Variants in PDE7A observed in about 807,000 individuals in gnomAD.
PDE7A encodes the protein phosphodiesterase 7A.
Under a neutral mutation model 64.3 loss-of-function variants are expected in PDE7A, and 39 were observed. The observed-to-expected ratio is 0.61, with a 90% CI of 0.47 to 0.79. The LOEUF (loss-of-function observed/expected upper bound fraction) is 0.79, where lower values mean the gene tolerates loss of function less well. Among genes scored for constraint, PDE7A ranks in the 30% least tolerant of loss-of-function variants. The pLI is 0.00. For missense variants in PDE7A, 470 were observed against 582.8 expected (o/e 0.81, Z 1.99); for synonymous variants, 203 against 206.8 (o/e 0.98, Z 0.16).
At chr8:65,767,564 G>T (rs1051332244) in intron 3 of PDE7A, among the ~76,000 whole-genome samples, 1 of 152,072 alleles carries the variant, frequency 6.6e-6, no homozygotes, top group Non-Finnish European at 1.5e-5. Context: ...TGGCCTTTCT[G>T]ACTGTGAGTC....
In PDE7A at chr8:65,748,792, C is replaced by T. The variant is rs77031786; in HGVS notation, c.284-989G>A. Among the ~76,000 whole-genome samples, 1,410 of 152,178 alleles carry T rather than the reference C, an allele frequency of 9.3e-3. 8 individuals carry two copies. The highest frequency in any genetic ancestry group is 0.02 in the Middle Eastern group (6 of 294). The stretch of plus-strand genomic sequence containing the variant: ...GCAATAATATCTAATTTAAGGGGTG[C>T]TGGATTAAATGAGATAATATATATA... On this transcript the variant is annotated intron_variant, in intron 3 of 12. Transcript: ENST00000401827.
chr8:65,724,505 A>G (rs897653390), intron 10 of PDE7A, among the ~76,000 whole-genome samples, 154 bp from the exon 11 acceptor site: 1 of 152,216 alleles, frequency 6.6e-6, no homozygotes, highest in African/African-American at 2.4e-5. Flanking sequence ...TTATGAGAAT[A>G]AAATGCTATT....
chr8:65,718,925 T>C lies in PDE7A; in HGVS notation c.*365A>G. 3.7e-6 allele frequency: 1 copy of C among 270,082 alleles called. No individual in the cohort carries two copies. Among genetic ancestry groups the C allele is most frequent in the South Asian group, 5.1e-5 (1 of 19,466 alleles). The allele number at this position is 270,082 out of a possible 1,614,324, so 16.7% of individuals were successfully genotyped here. A position where few individuals can be genotyped will look rare whatever the true frequency, so the allele number is the denominator to read the frequency against. On this transcript the variant is annotated 3_prime_UTR_variant, in exon 13 of 13. Transcript: ENST00000401827. ...CAAGATACACATTGTTGCATCAGAC[T>C]GGTTAAATTCCAAGAGATTGTTGCT...
chr8:65,793,183 G>A (rs1046821414), intron 1 of PDE7A, among the ~76,000 whole-genome samples: 3 of 152,132 alleles, frequency 2.0e-5, no homozygotes, highest in South Asian at 2.1e-4. Flanking sequence ...GTATTTGGGC[G>A]GAAATACTTT....
intron 3 of PDE7A, among the ~76,000 whole-genome samples, chr8:65,765,974 G>A (rs1259014077): frequency 6.6e-6 from 1 of 152,110 alleles, no homozygotes; most frequent in African/African-American, 2.4e-5. Context: ...GAGATGGAGT[G>A]TCACTCTGTC....
At chr8:65,822,053 G>T (rs1194598423) in intron 1 of PDE7A, among the ~76,000 whole-genome samples, 1 of 152,112 alleles carries the variant, frequency 6.6e-6, no homozygotes, top group Non-Finnish European at 1.5e-5. Flanking sequence ...GAAACAAAGA[G>T]GGTATGTTGA....
At chr8:65,759,267 G>A (rs1808381342) in intron 3 of PDE7A, among the ~76,000 whole-genome samples, 1 of 152,198 alleles carries the variant, frequency 6.6e-6, no homozygotes, top group South Asian at 2.1e-4. Context: ...AAATGGGGGT[G>A]AGGGGCTCAG....
intron 1 of PDE7A, among the ~76,000 whole-genome samples, chr8:65,799,045 A>G (rs73693425): frequency 0.012 from 1,872 of 152,300 alleles, 44 homozygotes; most frequent in African/African-American, 0.042. Flanking sequence ...AGGCAAAACT[A>G]ATCAATAGTG....
chr8:65,826,772 C>A (rs1028836579), intron 1 of PDE7A, among the ~76,000 whole-genome samples: 1 of 152,166 alleles, frequency 6.6e-6, no homozygotes, highest in Non-Finnish European at 1.5e-5. Context: ...GAAATATATT[C>A]TCTCATAGTT....
chr8:65,822,822 A>G (rs1810574249), intron 1 of PDE7A, among the ~76,000 whole-genome samples: 1 of 152,198 alleles, frequency 6.6e-6, no homozygotes, highest in East Asian at 1.9e-4. Flanking sequence ...AAACATTTCT[A>G]TACAGGCTCC....
chr8:65,832,001 T>C (rs1366943713), intron 1 of PDE7A, among the ~76,000 whole-genome samples: 1 of 152,236 alleles, frequency 6.6e-6, no homozygotes, highest in Non-Finnish European at 1.5e-5. Flanking sequence ...GCTTTCTCTT[T>C]ATTTTTTGGC....
At chr8:65,796,808 G>A (rs1809855651) in intron 1 of PDE7A, among the ~76,000 whole-genome samples, 1 of 151,946 alleles carries the variant, frequency 6.6e-6, no homozygotes, top group Non-Finnish European at 1.5e-5. Context: ...ACTTCAACAT[G>A]GTACTGAAAG....
intron 1 of PDE7A, among the ~76,000 whole-genome samples, chr8:65,789,387 A>C (rs149174635): frequency 9.5e-4 from 145 of 152,364 alleles, no homozygotes; most frequent in Admixed American, 3.5e-3. Context: ...ACTGTTTCAC[A>C]AGCACAGTGT....
At chr8:65,751,711 C>T (rs1337796827) in intron 3 of PDE7A, among the ~76,000 whole-genome samples, 1 of 152,162 alleles carries the variant, frequency 6.6e-6, no homozygotes, top group Non-Finnish European at 1.5e-5. Flanking sequence ...AGGCTGGTCT[C>T]GAACTCCCGA....
intron 1 of PDE7A, among the ~76,000 whole-genome samples, chr8:65,840,783 T>C (rs1277228697): frequency 6.6e-6 from 1 of 152,250 alleles, no homozygotes; most frequent in East Asian, 1.9e-4. Flanking sequence ...ACAAAACTGA[T>C]TCCTGGCTAT....
At chr8:65,749,672 A>G (rs7835645) in intron 3 of PDE7A, among the ~76,000 whole-genome samples, 2 of 152,204 alleles carry the variant, frequency 1.3e-5, no homozygotes, top group African/African-American at 4.8e-5. Flanking sequence ...GATAAATAGT[A>G]TGCCCCACTT....
Position 65,842,048 on chromosome 8 carries a change from A to C in PDE7A, c.-540T>G, listed in dbSNP as rs1353336210. ...CTGACTTCACTCCGCCGCCGGCGCGAGCCCGGCGTAATTCACACTTTGCAG... is the reference window on the plus strand; with the variant it reads ...CTGACTTCACTCCGCCGCCGGCGCGCGCCCGGCGTAATTCACACTTTGCAG... On this transcript the variant is annotated 5_prime_UTR_variant, in exon 1 of 13. Coordinates refer to ENST00000401827, the MANE Select transcript of PDE7A (RefSeq NM_001242318.3). The C allele has an allele frequency of 1.0e-5, 2 of 197,178 alleles. No individual in the cohort carries two copies. The highest frequency in any genetic ancestry group is 2.0e-5 in the Non-Finnish European group (2 of 100,390). The allele number at this position is 197,178 out of a possible 1,614,324, so 12.2% of individuals were successfully genotyped here. A position where few individuals can be genotyped will look rare whatever the true frequency, so the allele number is the denominator to read the frequency against.
At chr8:65,729,966 T>C (rs1806784357) in intron 7 of PDE7A, among the ~76,000 whole-genome samples, 1 of 151,776 alleles carries the variant, frequency 6.6e-6, no homozygotes. Flanking sequence ...AAGGCGGTCC[T>C]CGCAGGGCTC....
chr8:65,725,903 A>C (rs535061586), intron 9 of PDE7A, among the ~76,000 whole-genome samples: 30 of 152,148 alleles, frequency 2.0e-4, no homozygotes, highest in Non-Finnish European at 4.4e-5. Flanking sequence ...TGTTTAAGCA[A>C]TTTTCGTATT....
Sources: gnomAD v4.1 joint callset for allele counts (sites outside exome capture counted in the v4.1 genomes callset) on GRCh38, gnomAD v4.1.1 for gene constraint, MANE v1.5 for transcripts, NCBI Gene and HGNC (gene_info 2026-07-23, HGNC 2026-07-21) for gene names.